Variants in ADGRE3 observed in about 807,000 individuals in gnomAD.
ADGRE3 encodes EGF-like module receptor 3.
In ADGRE3, 88 loss-of-function variants were observed where a neutral mutation model predicts 80.1. The ratio of observed to expected loss-of-function variants is 1.10; its 90% CI spans 0.93 to 1.31. The LOEUF (loss-of-function observed/expected upper bound fraction) is 1.31. ADGRE3 is among the 40% of genes most tolerant of loss of function. The probability of loss-of-function intolerance (pLI) is 0.00; values close to 1 mark genes in which losing one functional copy is unlikely to be tolerated. For missense variants in ADGRE3, 715 were observed against 776.5 expected (o/e 0.92, Z 0.94); for synonymous variants, 281 against 294.8 (o/e 0.95, Z 0.48).
At chr19:14,610,976 T>G in the ADGRE3 span, 4 of 151,248 alleles carry the variant, frequency 2.6e-5, no homozygotes, top group Admixed American at 2.7e-4. Context: ...TTTTTATTTT[T>G]ATTTTTACTT....
intron 9 of ADGRE3, among the ~76,000 whole-genome samples, chr19:14,642,100 C>T (rs2146842604): frequency 6.6e-6 from 1 of 152,104 alleles, no homozygotes; most frequent in Non-Finnish European, 1.5e-5. Context: ...TGAAAGAGTT[C>T]TGGAGATGGA....
At chr19:14,663,605 C>T in intron 2 of ADGRE3, 65 bp from the exon 3 acceptor site, 1 of 1,537,526 alleles carries the variant, frequency 6.5e-7, no homozygotes. Context: ...ATAATTAGGC[C>T]CTGCCTCTTG....
intron 2 of ADGRE3, 42 bp downstream of exon 2, chr19:14,668,760 C>T: frequency 6.3e-7 from 1 of 1,586,918 alleles, no homozygotes; most frequent in Middle Eastern, 1.8e-4. Context: ...CCAGGTCCAG[C>T]CCTTGGTCCA....
At chr19:14,674,633 G>A in intron 1 of ADGRE3, 113 bp downstream of exon 1, 6 of 1,066,602 alleles carry the variant, frequency 5.6e-6, no homozygotes, top group South Asian at 1.5e-5. Flanking sequence ...AAGGGAAAAG[G>A]TGAGAGTGTT....
chr19:14,647,531 C>T (rs557605986), intron 7 of ADGRE3, among the ~76,000 whole-genome samples, 166 bp from the exon 8 acceptor site: 3 of 151,510 alleles, frequency 2.0e-5, no homozygotes, highest in African/African-American at 7.3e-5. Context: ...ATTCTCCTGC[C>T]TCAGCCTCCC....
chr19:14,625,401 A>G, intron 15 of ADGRE3, 91 bp downstream of exon 15: 1 of 885,010 alleles, frequency 1.1e-6, no homozygotes, highest in Non-Finnish European at 1.8e-6. Context: ...AAACAAAAAC[A>G]AACAAACAAA....
At chr19:14,620,550 AT>A (rs1970557839) in intron 15 of ADGRE3, among the ~76,000 whole-genome samples, 1 of 18,984 alleles carries the variant, frequency 5.3e-5, no homozygotes, top group African/African-American at 2.5e-4. Flanking sequence ...TATATATATT[AT>A]ATATATATAT....
chr19:14,641,596 A>G lies in ADGRE3; in HGVS notation c.1071T>C (p.Thr357=). 1.2e-6 allele frequency: 2 copies of G among 1,614,164 alleles called. No individual in the cohort carries two copies. Among genetic ancestry groups the G allele is most frequent in the African/African-American group, 1.3e-5 (1 of 75,056 alleles). ...LTSQEEDPVL[T]VITYVGLSVS... ...CGCTCAGCCCCACGTAGGTGATGAC[A>G]GTCAGCACGGGATCCTCCTCCTGGG... The change falls in exon 10 of 16, where the codon ACT becomes ACC. Residue 357 remains threonine, a synonymous_variant. Coordinates refer to ENST00000253673, the MANE Select transcript of ADGRE3 (RefSeq NM_032571.5).
At chr19:14,640,890 C>T (rs1053590591) in intron 10 of ADGRE3, among the ~76,000 whole-genome samples, 51 of 152,224 alleles carry the variant, frequency 3.4e-4, no homozygotes, top group Middle Eastern at 6.8e-3. Flanking sequence ...AAGTGCCTTT[C>T]GCCTCCCGCC....
chr19:14,660,328 G>A (rs1971909773), intron 4 of ADGRE3, among the ~76,000 whole-genome samples: 1 of 152,158 alleles, frequency 6.6e-6, no homozygotes, highest in East Asian at 1.9e-4. Flanking sequence ...GCATTGCTTA[G>A]TAAAAGACAG....
Position 14,668,809 on chromosome 19 carries a change from T to G in ADGRE3, c.69A>C (p.Lys23Asn), listed in dbSNP as rs1972174924. 18 of 1,613,944 alleles carry G rather than the reference T, an allele frequency of 1.1e-5. No individual in the cohort carries two copies. Among genetic ancestry groups the G allele is most frequent in the Non-Finnish European group, 1.5e-5 (18 of 1,179,996 alleles). The change falls in exon 2 of 16, where the codon AAA (lysine) becomes AAC (asparagine). Residue 23 changes from lysine (K) to asparagine (N), a missense_variant. Physicochemically the swap from Lys to Asn is moderately conservative, Grantham distance 94 (BLOSUM62 0). Coordinates refer to ENST00000253673, the MANE Select transcript of ADGRE3 (RefSeq NM_032571.5). ...CTGGCTCTGAGCACTCACTTTTGGT[T>G]TTCTGAGTCACAGCTCCAAAGAGGC... ...LLSLFGAVTQ[K>N]TKTSCAKCPP...
At chr19:14,630,250 A>C (rs1418936591) in intron 13 of ADGRE3, 43 bp from the exon 14 acceptor site, 4 of 1,539,596 alleles carry the variant, frequency 2.6e-6, no homozygotes, top group Non-Finnish European at 3.5e-6. Context: ...AAAAACTAAT[A>C]ATGAGCATGA....
intron 7 of ADGRE3, among the ~76,000 whole-genome samples, 155 bp from the exon 8 acceptor site, chr19:14,647,520 G>A (rs1971448517): frequency 6.7e-6 from 1 of 149,282 alleles, no homozygotes; most frequent in Admixed American, 6.7e-5. Flanking sequence ...GGGTTCAAGT[G>A]ATTCTCCTGC....
chr19:14,650,412 C>T (rs1172384109), intron 7 of ADGRE3, among the ~76,000 whole-genome samples: 1 of 150,086 alleles, frequency 6.7e-6, no homozygotes, highest in Non-Finnish European at 1.5e-5. Flanking sequence ...ATCGCTGTCC[C>T]CATCTCTCTC....
chr19:14,647,681 G>A (rs1971454473), intron 7 of ADGRE3, among the ~76,000 whole-genome samples: 1 of 151,586 alleles, frequency 6.6e-6, no homozygotes, highest in African/African-American at 2.4e-5. Flanking sequence ...GTCTCCCAAA[G>A]TGCTGGGATT....
In ADGRE3 at chr19:14,654,712, A is replaced by T. The variant is rs1971705508; in HGVS notation, c.577+270T>A. ...ATCTGGTGAGTTTTGTTGGGTGCACACACCTCTGAAATCAACACCACAATC... is the reference window on the plus strand; with the variant it reads ...ATCTGGTGAGTTTTGTTGGGTGCACTCACCTCTGAAATCAACACCACAATC... On this transcript the variant is annotated intron_variant, in intron 6 of 15. Coordinates refer to ENST00000253673, the MANE Select transcript of ADGRE3 (RefSeq NM_032571.5). 2.0e-5 allele frequency among the ~76,000 whole-genome samples: 3 copies of T among 152,070 alleles called. No homozygotes were observed. In the South Asian group the frequency reaches 6.2e-4, roughly 32 times the overall value.
chr19:14,617,398 C>CT (rs1366206871), downstream of ADGRE3, among the ~76,000 whole-genome samples: 8 of 47,308 alleles, frequency 1.7e-4, no homozygotes, highest in Non-Finnish European at 2.5e-4. Flanking sequence ...TTCTTTCTTT[C>CT]TTTTCTTTCT....
At chr19:14,644,341 G>C in intron 8 of ADGRE3, 66 bp from the exon 9 acceptor site, 1 of 1,231,222 alleles carries the variant, frequency 8.1e-7, no homozygotes, top group East Asian at 2.8e-5. Context: ...TTTTTTTGGA[G>C]ACAAAATCTT....
intron 14 of ADGRE3, among the ~76,000 whole-genome samples, chr19:14,628,030 A>G (rs1334491525): frequency 6.6e-6 from 1 of 151,964 alleles, no homozygotes; most frequent in Non-Finnish European, 1.5e-5. Context: ...CAGGAGGCTG[A>G]GGCAGGATAA....
Sources: allele counts gnomAD v4.1 joint callset (sites outside exome capture counted in the v4.1 genomes callset), GRCh38; gene constraint gnomAD v4.1.1; transcripts MANE v1.5; gene names NCBI Gene and HGNC (gene_info 2026-07-23, HGNC 2026-07-21).